RUNX1T1: variants seen among roughly 807,000 people sequenced by gnomAD.
The protein encoded by RUNX1T1 is protein CBFA2T1.
RUNX1T1 carries 4 observed loss-of-function variants against 62.8 expected under a neutral mutation model. The observed-to-expected ratio is 0.06, with a 90% CI of 0.03 to 0.15. The LOEUF is 0.15. Among genes scored for constraint, RUNX1T1 ranks in the 10% least tolerant of loss-of-function variants. The pLI is 1.00. For synonymous variants in RUNX1T1, 291 were observed against 286.0 expected (o/e 1.02, Z -0.18); for missense variants, 508 against 754.3 (o/e 0.67, Z 3.82).
intron 5 of RUNX1T1, among the ~76,000 whole-genome samples, chr8:91,992,820 G>C (rs1262547640): frequency 6.6e-6 from 1 of 152,166 alleles, no homozygotes; most frequent in Non-Finnish European, 1.5e-5. Flanking sequence ...TCTAAACTTG[G>C]CTTTCAGAAG....
chr8:91,998,841 C>T (rs1041319168), intron 5 of RUNX1T1, among the ~76,000 whole-genome samples: 3 of 152,064 alleles, frequency 2.0e-5, no homozygotes, highest in African/African-American at 4.8e-5. Flanking sequence ...GCATTTGGTT[C>T]CTGGGCTGTC....
At chr8:92,051,552 G>GCT (rs750578913) in intron 1 of RUNX1T1, among the ~76,000 whole-genome samples, 28 of 150,998 alleles carry the variant, frequency 1.9e-4, no homozygotes, top group African/African-American at 4.4e-4. Context: ...TCTTGCACAT[G>GCT]CTCTCTCTCT....
At chr8:92,028,723 A>G (rs1289249866) in intron 1 of RUNX1T1, among the ~76,000 whole-genome samples, 1 of 152,208 alleles carries the variant, frequency 6.6e-6, no homozygotes, top group African/African-American at 2.4e-5. Context: ...TTAGGAAGGA[A>G]AACTAAGTTG....
At chr8:92,008,913 A>G (rs1207348455) in intron 4 of RUNX1T1, among the ~76,000 whole-genome samples, 3 of 152,248 alleles carry the variant, frequency 2.0e-5, no homozygotes, top group Non-Finnish European at 2.9e-5. Flanking sequence ...TAAGATACTA[A>G]TAAGAAAAGA....
At chr8:92,101,552 G>A (rs1838035749), upstream of RUNX1T1, among the ~76,000 whole-genome samples, 1 of 152,120 alleles carries the variant, frequency 6.6e-6, no homozygotes, top group South Asian at 2.1e-4. Flanking sequence ...CAGTCTTCAA[G>A]GGTTTCTCCG....
intron 2 of RUNX1T1, among the ~76,000 whole-genome samples, chr8:92,071,700 G>A (rs547524088): frequency 2.0e-5 from 3 of 152,274 alleles, no homozygotes; most frequent in Non-Finnish European, 4.4e-5. Context: ...GCGCCAGGCG[G>A]CTGTGAGAGA....
chr8:92,051,909 C>A (rs1830313251), intron 1 of RUNX1T1, among the ~76,000 whole-genome samples: 1 of 151,734 alleles, frequency 6.6e-6, no homozygotes, highest in Non-Finnish European at 1.5e-5. Context: ...AAAAAAAATC[C>A]TTTGCCTGTG....
rs1449019379 is a variant in RUNX1T1, at chr8:91,975,780, T to A, written c.1267+125A>T. On this transcript the variant is annotated intron_variant, in intron 9 of 10. Coordinates refer to ENST00000396218, the Ensembl canonical transcript of RUNX1T1. ...GTTTTGTTTAGTGGTTTTTTTTGTT[T>A]TGTTTTGTTTTTGCTGTTGTTGTTG... The A allele has an allele frequency of 6.2e-6, 4 of 646,674 alleles. No homozygotes were observed. The East Asian group carries it at 1.0e-4, about 17-fold the overall frequency. 40.1% of individuals were successfully genotyped at this position (646,674 alleles called of 1,614,324 possible).
chr8:91,969,465 A>G (rs1485166936), intron 10 of RUNX1T1, among the ~76,000 whole-genome samples: 5 of 148,842 alleles, frequency 3.4e-5, no homozygotes, highest in Non-Finnish European at 5.9e-5. Flanking sequence ...ATTCTCCTCA[A>G]AAGATGCTAA....
intron 1 of RUNX1T1, among the ~76,000 whole-genome samples, chr8:92,027,878 C>G (rs763574722): frequency 1.8e-4 from 28 of 151,876 alleles, no homozygotes; most frequent in Non-Finnish European, 2.9e-4. Flanking sequence ...ACAGGAATTC[C>G]CCTTCCCTTC....
chr8:91,977,631 T>G (rs1402677834), intron 8 of RUNX1T1, among the ~76,000 whole-genome samples: 1 of 152,048 alleles, frequency 6.6e-6, no homozygotes, highest in Non-Finnish European at 1.5e-5. Flanking sequence ...AAAGACAACT[T>G]TTAAGGAGAA....
chr8:92,065,251 ACAAT>A (rs1481929347), upstream of RUNX1T1, among the ~76,000 whole-genome samples: 1 of 152,250 alleles, frequency 6.6e-6, no homozygotes, highest in Non-Finnish European at 1.5e-5. Context: ...ATAAAAATAG[ACAAT>A]CAATAACATG....
At chr8:92,070,612 C>A (rs1200417145) in intron 2 of RUNX1T1, among the ~76,000 whole-genome samples, 1 of 124,470 alleles carries the variant, frequency 8.0e-6, no homozygotes, top group African/African-American at 4.4e-5. Context: ...GACATTACTT[C>A]CATGTGATAT....
intron 8 of RUNX1T1, among the ~76,000 whole-genome samples, chr8:91,976,945 CTA>C (rs1814097121): frequency 6.6e-6 from 1 of 152,146 alleles, no homozygotes; most frequent in Admixed American, 6.5e-5. Flanking sequence ...GAAATTTTCT[CTA>C]TGTGTACAGT....
upstream of RUNX1T1, among the ~76,000 whole-genome samples, chr8:92,065,796 C>T (rs1832788804): frequency 6.6e-6 from 1 of 152,176 alleles, no homozygotes; most frequent in South Asian, 2.1e-4. Context: ...TAAAGCCTTT[C>T]CACAGGTCTT....
At chr8:92,017,398 C>T (rs745751084) in intron 1 of RUNX1T1, 35 bp from the exon 3 acceptor site, 1 of 1,613,790 alleles carries the variant, frequency 6.2e-7, no homozygotes, top group East Asian at 2.2e-5. Context: ...TTATTTTACT[C>T]CTTAAGCACC....
At chr8:92,016,756 C>T (rs1206800104) in intron 2 of RUNX1T1, among the ~76,000 whole-genome samples, 1 of 152,120 alleles carries the variant, frequency 6.6e-6, no homozygotes, top group Non-Finnish European at 1.5e-5. Context: ...CATATCAATA[C>T]CCTTTTTAAC....
At chr8:92,068,798 AAAC>A (rs1198735934) in intron 2 of RUNX1T1, among the ~76,000 whole-genome samples, 8 of 152,128 alleles carry the variant, frequency 5.3e-5, no homozygotes, top group African/African-American at 1.7e-4. Flanking sequence ...TGAGCCCAGC[AAAC>A]AACAGATCTT....
intron 1 of RUNX1T1, chr8:92,017,599 A>T: frequency 7.2e-7 from 1 of 1,385,634 alleles, no homozygotes; most frequent in Non-Finnish European, 9.3e-7. Flanking sequence ...TCCTATTGTT[A>T]TTTCTGGCTT....
Sources: allele counts gnomAD v4.1 joint callset (sites outside exome capture counted in the v4.1 genomes callset), GRCh38; gene constraint gnomAD v4.1.1; transcripts MANE v1.5; gene names NCBI Gene and HGNC (gene_info 2026-07-23, HGNC 2026-07-21).